The following BCAS3 variants were observed in gnomAD, a reference collection of about 807,000 sequenced individuals.
BCAS3 encodes BCAS4/BCAS3 fusion.
In BCAS3, 53 loss-of-function variants were observed where a neutral mutation model predicts 116.1. That is an observed-to-expected ratio of 0.46 (90% CI 0.37 to 0.57). BCAS3 has a LOEUF of 0.57. Among genes scored for constraint, BCAS3 ranks in the 20% least tolerant of loss-of-function variants. BCAS3 has a pLI of 0.00. For synonymous variants in BCAS3, 391 were observed against 408.2 expected, an observed-to-expected ratio of 0.96 and a Z score of 0.51; for missense variants, 917 against 1,165.4, an observed-to-expected ratio of 0.79 and a Z score of 3.10.
intron 14 of BCAS3, among the ~76,000 whole-genome samples, chr17:60,986,601 T>G (rs2063157630): frequency 6.6e-6 from 1 of 152,216 alleles, no homozygotes; most frequent in Non-Finnish European, 1.5e-5. Context: ...ATTATTGATG[T>G]TGAGCACATT....
chr17:61,015,610 T>C, intron 15 of BCAS3, 141 bp from the exon 16 acceptor site: 1 of 846,212 alleles, frequency 1.2e-6, no homozygotes, highest in South Asian at 1.6e-5. Context: ...ATCCACATAA[T>C]TGTAATTCTC....
chr17:60,835,807 A>G (rs1472923853), intron 7 of BCAS3, among the ~76,000 whole-genome samples: 1 of 152,100 alleles, frequency 6.6e-6, no homozygotes, highest in African/African-American at 2.4e-5. Flanking sequence ...TGATGAAATT[A>G]TAGATATTAT....
chr17:61,175,943 C>A (rs780064356), intron 22 of BCAS3, among the ~76,000 whole-genome samples: 1 of 151,668 alleles, frequency 6.6e-6, no homozygotes, highest in Admixed American at 6.6e-5. Flanking sequence ...AGAATCCAGC[C>A]TGGGCAACAG....
intron 8 of BCAS3, among the ~76,000 whole-genome samples, chr17:60,874,186 C>T (rs1465756381): frequency 6.6e-6 from 1 of 152,154 alleles, no homozygotes; most frequent in Non-Finnish European, 1.5e-5. Context: ...CCTGCCTCAG[C>T]CTCCTGAGTA....
Position 61,036,750 on chromosome 17 carries a change from A to G in BCAS3, c.1763-1139A>G, listed in dbSNP as rs1032703169. On this transcript the variant is annotated intron_variant, in intron 17 of 23. Coordinates refer to ENST00000407086, the MANE Select transcript of BCAS3 (RefSeq NM_017679.5). ...CTGTTTTGCTAGTGGGTACATGTGT[A>G]TTCCTTATAAAGTCAGTTGATTAGA... is the stretch of plus-strand genomic sequence containing the variant. 3.3e-5 allele frequency among the ~76,000 whole-genome samples: 5 copies of G among 152,162 alleles called. No individual in the cohort carries two copies. In the South Asian group the frequency reaches 1.0e-3, roughly 32 times the overall value.
chr17:60,957,140 C>T (rs1186071300), intron 14 of BCAS3, among the ~76,000 whole-genome samples: 4 of 152,178 alleles, frequency 2.6e-5, no homozygotes, highest in Non-Finnish European at 5.9e-5. Context: ...CATACTTTCT[C>T]AAACAGACTC....
At chr17:61,102,342 C>T (rs2074378496) in intron 22 of BCAS3, among the ~76,000 whole-genome samples, 1 of 152,104 alleles carries the variant, frequency 6.6e-6, no homozygotes, top group Non-Finnish European at 1.5e-5. Flanking sequence ...TAGAGTTTCT[C>T]TCCTGTATGC....
chr17:60,690,750 G>T (rs972062753), intron 4 of BCAS3, among the ~76,000 whole-genome samples: 1 of 151,508 alleles, frequency 6.6e-6, no homozygotes, highest in Non-Finnish European at 1.5e-5. Flanking sequence ...GTGAAACCTC[G>T]TCTCTACTAA....
intron 7 of BCAS3, among the ~76,000 whole-genome samples, chr17:60,853,225 T>TGTG (rs1404631344): frequency 5.3e-5 from 8 of 152,248 alleles, no homozygotes; most frequent in African/African-American, 1.9e-4. Flanking sequence ...ATAATGAAAC[T>TGTG]GTGGAGACAT....
intron 22 of BCAS3, among the ~76,000 whole-genome samples, chr17:61,270,303 A>G (rs1435481947): frequency 6.7e-6 from 1 of 148,900 alleles, no homozygotes; most frequent in Non-Finnish European, 1.5e-5. Context: ...TATTTTTTTT[A>G]GTAGAGATGG....
intron 19 of BCAS3, among the ~76,000 whole-genome samples, chr17:61,069,203 A>G (rs1344402326): frequency 6.6e-6 from 1 of 152,224 alleles, no homozygotes; most frequent in Non-Finnish European, 1.5e-5. Context: ...AAATAAATGG[A>G]AGTCAAAGAT....
At chr17:61,168,005 C>G (rs73993704) in intron 22 of BCAS3, among the ~76,000 whole-genome samples, 3,774 of 152,278 alleles carry the variant, frequency 0.025, 166 homozygotes, top group African/African-American at 0.086. Context: ...TCTTTGGTAT[C>G]ATACGGCGCT....
intron 22 of BCAS3, among the ~76,000 whole-genome samples, chr17:61,184,925 G>A (rs2079679886): frequency 6.6e-6 from 1 of 151,978 alleles, no homozygotes; most frequent in African/African-American, 2.4e-5. Context: ...ATTTCCAGGG[G>A]CCAGGAGTTG....
intron 22 of BCAS3, among the ~76,000 whole-genome samples, chr17:61,154,251 C>G (rs1437764337): frequency 6.6e-6 from 1 of 151,802 alleles, no homozygotes; most frequent in East Asian, 1.9e-4. Flanking sequence ...TGTAATACAG[C>G]CAAGATTGTG....
chr17:61,172,723 T>C (rs553773407), intron 22 of BCAS3, among the ~76,000 whole-genome samples: 39 of 151,304 alleles, frequency 2.6e-4, no homozygotes, highest in East Asian at 3.9e-4. Flanking sequence ...CGGTGGCTCA[T>C]GCCTTTAATC....
At chr17:61,059,323 C>A (rs2069737371) in intron 19 of BCAS3, among the ~76,000 whole-genome samples, 1 of 151,870 alleles carries the variant, frequency 6.6e-6, no homozygotes, top group Non-Finnish European at 1.5e-5. Flanking sequence ...ACCTCATGAT[C>A]CGCCTGCCTT....
At chr17:60,945,799 AAATAAT>A (rs1406713309) in intron 13 of BCAS3, among the ~76,000 whole-genome samples, 2 of 150,564 alleles carry the variant, frequency 1.3e-5, no homozygotes, top group African/African-American at 2.4e-5. Flanking sequence ...AGACTGTCTC[AAATAAT>A]AATAATAATA....
chr17:61,287,180 A>G (rs968396047), intron 22 of BCAS3, among the ~76,000 whole-genome samples: 8 of 151,626 alleles, frequency 5.3e-5, no homozygotes, highest in East Asian at 2.0e-4. Flanking sequence ...CCCGGGAGGC[A>G]GAGCTTGCAG....
intron 21 of BCAS3, among the ~76,000 whole-genome samples, chr17:61,081,014 T>C (rs1434371800): frequency 6.6e-6 from 1 of 152,204 alleles, no homozygotes; most frequent in African/African-American, 2.4e-5. Flanking sequence ...TGATTAAATA[T>C]GGTCTAGATT....
Sources: gnomAD v4.1 joint callset for allele counts (sites outside exome capture counted in the v4.1 genomes callset) on GRCh38, gnomAD v4.1.1 for gene constraint, MANE v1.5 for transcripts, NCBI Gene and HGNC (gene_info 2026-07-23, HGNC 2026-07-21) for gene names.